The following MEIOSIN variants were observed in gnomAD, a reference collection of about 807,000 sequenced individuals.
The protein encoded by MEIOSIN is meiosis initiator, also known as meiosis initiator protein.
Under a neutral mutation model 23.4 loss-of-function variants are expected in MEIOSIN, and 18 were observed. The ratio of observed to expected loss-of-function variants is 0.77; its 90% CI spans 0.53 to 1.14. The LOEUF is 1.14. MEIOSIN is among the 50% of genes most tolerant of loss of function. MEIOSIN has a pLI of 0.00. For synonymous variants in MEIOSIN, 187 were observed against 100.6 expected (o/e 1.86, Z -5.14); for missense variants, 428 against 242.9 (o/e 1.76, Z -5.07).
chr19:45,741,481 A>G (rs1382764567), intron 3 of MEIOSIN, among the ~76,000 whole-genome samples: 2 of 152,244 alleles, frequency 1.3e-5, no homozygotes, highest in African/African-American at 4.8e-5. Flanking sequence ...ATGAGCCCCT[A>G]AAAGTATCAT....
chr19:45,735,593 C>G, intron 2 of MEIOSIN, 146 bp downstream of exon 2: 1 of 563,042 alleles, frequency 1.8e-6, no homozygotes, highest in East Asian at 2.9e-5. Flanking sequence ...ACAACAATCT[C>G]ATGAGGAAGT....
chr19:45,759,358 G>T, intron 10 of MEIOSIN, 56 bp from the exon 11 acceptor site: 1 of 701,122 alleles, frequency 1.4e-6, no homozygotes, highest in South Asian at 1.5e-5. Context: ...GGCTGAAGCT[G>T]GGCGGTGTGG....
chr19:45,738,607 A>C (rs1032815362), intron 2 of MEIOSIN, among the ~76,000 whole-genome samples: 3 of 152,344 alleles, frequency 2.0e-5, no homozygotes, highest in African/African-American at 7.2e-5. Context: ...AGCAAGACTC[A>C]GTCTAAAAAA....
Position 45,755,957 on chromosome 19 carries a change from A to T in MEIOSIN, c.803-13A>T, listed in dbSNP as rs1000630714. The T allele has an allele frequency of 1.4e-6, 1 of 701,748 alleles. No individual in the cohort carries two copies. The highest frequency in any genetic ancestry group is 2.6e-6 in the Non-Finnish European group (1 of 384,694). The allele number at this position is 701,748 out of a possible 1,614,324, so 43.5% of individuals were successfully genotyped here. ...CCAGTCCCCAGGCATGGTCATCCTG[A>T]TCTGCCCCTTAGGCTGCTGGTGCCA... is the stretch of plus-strand genomic sequence containing the variant. On this transcript the variant is annotated splice_polypyrimidine_tract_variant and intron_variant, in intron 7 of 14. Coordinates refer to ENST00000457052, the MANE Select transcript of MEIOSIN (RefSeq NM_001310124.2).
chr19:45,753,383 C>A (rs1439471549), intron 5 of MEIOSIN, among the ~76,000 whole-genome samples: 1 of 152,088 alleles, frequency 6.6e-6, no homozygotes, highest in Non-Finnish European at 1.5e-5. Flanking sequence ...GGTGAAGCAT[C>A]CTCAAGGTGC....
Position 45,761,705 on chromosome 19 carries a change from C to T in MEIOSIN, c.1272C>T (p.Asp424=), listed in dbSNP as rs12982642. ...EKDTASKAPK[D]PPESHSLHRS... is the part of the protein sequence containing the mutation. ...ACACAGCCTCCAAGGCCCCCAAAGA[C>T]CCTCCTGAGTCCCACAGCCTGCACC... Residue 424 remains aspartate (D), a synonymous_variant, in exon 12 of 15, where the codon GAC becomes GAT. Coordinates refer to ENST00000457052, the MANE Select transcript of MEIOSIN (RefSeq NM_001310124.2). 53,345 of 702,374 alleles carry T rather than the reference C, an allele frequency of 0.076. 2,606 individuals are homozygous for T. Among genetic ancestry groups the T allele is most frequent in the Middle Eastern group, 0.14 (616 of 4,364 alleles). The allele number at this position is 702,374 out of a possible 1,614,324, so 43.5% of individuals were successfully genotyped here.
intron 4 of MEIOSIN, among the ~76,000 whole-genome samples, chr19:45,746,637 T>C (rs889473735): frequency 3.3e-5 from 5 of 151,876 alleles, no homozygotes; most frequent in African/African-American, 1.2e-4. Context: ...CTGGCCAACA[T>C]GGTGAAACCC....
At chr19:45,752,549 C>T (rs1269405455) in intron 5 of MEIOSIN, among the ~76,000 whole-genome samples, 1 of 152,090 alleles carries the variant, frequency 6.6e-6, no homozygotes, top group East Asian at 1.9e-4. Flanking sequence ...GACAGAGTCT[C>T]ACTGTGTTGC....
At chr19:45,735,770 G>C (rs1968399238) in intron 2 of MEIOSIN, among the ~76,000 whole-genome samples, 2 of 152,022 alleles carry the variant, frequency 1.3e-5, no homozygotes, top group Non-Finnish European at 2.9e-5. Flanking sequence ...TCCGCCTCCT[G>C]AACTCAAGTG....
rs1968784545 is a variant in MEIOSIN at position 45,754,683 on chromosome 19, T to C, written c.761T>C (p.Leu254Pro). ...AAAGGAGGACAGTCCCAGCTGACGC[T>C]GTTGGATCTGGCCGAGGACACCATC... ...DRKGGQSQLTLLDLAEDTIHC... is the reference protein window; with the variant it reads ...DRKGGQSQLTPLDLAEDTIHC... Residue 254 changes from leucine to proline, a missense_variant, in exon 7 of 15, where the codon CTG (leucine) becomes CCG (proline). Transcript: ENST00000457052. The C allele has an allele frequency of 1.4e-6, 1 of 702,972 alleles. No individual in the cohort carries two copies. Among genetic ancestry groups the C allele is most frequent in the African/African-American group, 1.7e-5 (1 of 57,274 alleles). 43.5% of individuals were successfully genotyped at this position (702,972 alleles called of 1,614,324 possible).
At chr19:45,739,853 CT>C (rs766765725) in intron 3 of MEIOSIN, 123 bp downstream of exon 3, 16,707 of 494,020 alleles carry the variant, frequency 0.034, no homozygotes, top group East Asian at 0.051. Context: ...TTCTTTCTTC[CT>C]TTTTTTTTTT....
intron 1 of MEIOSIN, among the ~76,000 whole-genome samples, chr19:45,734,506 CT>C (rs999396275): frequency 1.3e-5 from 2 of 150,632 alleles, no homozygotes; most frequent in South Asian, 2.1e-4. Flanking sequence ...GGGAGGGCTC[CT>C]TTTTTTTTGT....
intron 3 of MEIOSIN, 98 bp from the exon 4 acceptor site, chr19:45,745,094 G>A: frequency 1.5e-6 from 1 of 674,356 alleles, no homozygotes; most frequent in Non-Finnish European, 2.7e-6. Flanking sequence ...TGGGGTGCGG[G>A]CAGCCCTAAA....
intron 4 of MEIOSIN, among the ~76,000 whole-genome samples, chr19:45,747,266 C>T (rs567531935): frequency 1.8e-4 from 28 of 152,296 alleles, no homozygotes; most frequent in African/African-American, 4.8e-4. Flanking sequence ...ACCCGCATCC[C>T]GGGGCCGTGG....
Position 45,759,615 on chromosome 19 carries a change from C to T in MEIOSIN, c.1245+125C>T, listed in dbSNP as rs891254520. The stretch of plus-strand genomic sequence containing the variant: ...GCCACCATCTACCCATCTGTCCTTC[C>T]ACTCATGCGTCTCCTCATCCTTAAA... On this transcript the variant is annotated intron_variant, in intron 11 of 14. Transcript: ENST00000457052. 1.2e-4 allele frequency: 77 copies of T among 636,680 alleles called. 1 individual carries two copies. The Admixed American group carries it at 1.5e-3, about 12-fold the overall frequency. 39.4% of individuals were successfully genotyped at this position (636,680 alleles called of 1,614,324 possible).
rs953719607 is a variant in MEIOSIN, at chr19:45,733,726, C to G, written c.-1+60C>G. 1.3e-5 allele frequency: 2 copies of G among 152,284 alleles called. No homozygotes were observed. Among genetic ancestry groups the G allele is most frequent in the African/African-American group, 4.8e-5 (2 of 41,446 alleles). 9.4% of individuals were successfully genotyped at this position (152,284 alleles called of 1,614,324 possible). On this transcript the variant is annotated intron_variant, in intron 1 of 14. Transcript: ENST00000457052. The surrounding 1 kb of genome is among the most constrained non-coding windows in gnomAD (Gnocchi z 5.7). ...GGCAGGGGGCCTCCCCCAGCACTAG[C>G]TGGGCTTAGGGGAACCCGGGATCCC...
chr19:45,755,012 G>A (rs370984591), intron 7 of MEIOSIN, among the ~76,000 whole-genome samples: 1 of 152,284 alleles, frequency 6.6e-6, no homozygotes, highest in African/African-American at 2.4e-5. Context: ...GCTCTCCCAT[G>A]CCCCAGTCAC....
At position 45,739,661 on chromosome 19, in the gene MEIOSIN, A is replaced by G. The variant is rs1002739746; in HGVS notation, c.107A>G (p.Asp36Gly). The G allele has an allele frequency of 8.5e-6, 6 of 703,250 alleles. No individual in the cohort carries two copies. The highest frequency in any genetic ancestry group is 1.3e-5 in the Non-Finnish European group (5 of 385,090). The allele number at this position is 703,250 out of a possible 1,614,324, so 43.6% of individuals were successfully genotyped here. A position where few individuals can be genotyped will look rare whatever the true frequency, so the allele number is the denominator to read the frequency against. ...LVLCSLVEGE[D>G]KVNPSEPHGL... The stretch of plus-strand genomic sequence containing the variant: ...TTGTGCTCCCTAGTGGAAGGGGAAG[A>G]TAAGGTCAACCCCTCCGAACCACAT... Residue 36 changes from aspartate (D) to glycine (G), a missense_variant, in exon 3 of 15, where the codon GAT becomes GGT. Physicochemically the swap from Asp to Gly is moderately conservative, Grantham distance 94 (BLOSUM62 -1). Coordinates refer to ENST00000457052, the MANE Select transcript of MEIOSIN (RefSeq NM_001310124.2).
intron 5 of MEIOSIN, 141 bp downstream of exon 5, chr19:45,750,927 G>C (rs1024383867): frequency 5.1e-6 from 2 of 390,536 alleles, no homozygotes; most frequent in Non-Finnish European, 9.1e-6. Flanking sequence ...GAGAAGAGGG[G>C]CCTTGGAGCT....
Sources: gnomAD v4.1 joint callset for allele counts (sites outside exome capture counted in the v4.1 genomes callset) on GRCh38, gnomAD v4.1.1 for gene constraint, Gnocchi (gnomAD v3.1) non-coding constraint, MANE v1.5 for transcripts, NCBI Gene and HGNC (gene_info 2026-07-23, HGNC 2026-07-21) for gene names.